TMEM9B: variants seen among roughly 807,000 people sequenced by gnomAD.
The protein encoded by TMEM9B is TMEM9 domain family member B.
In TMEM9B, 8 loss-of-function variants were observed where a neutral mutation model predicts 23.5. That is an observed-to-expected ratio of 0.34 (90% CI 0.20 to 0.61). TMEM9B has a LOEUF of 0.61. Among genes scored for constraint, TMEM9B ranks in the 20% least tolerant of loss-of-function variants. The probability of loss-of-function intolerance (pLI) is 0.78; values close to 1 mark genes in which losing one functional copy is unlikely to be tolerated. For synonymous variants in TMEM9B, 106 were observed against 96.3 expected, an observed-to-expected ratio of 1.10 and a Z score of -0.59; for missense variants, 197 against 252.3, an observed-to-expected ratio of 0.78 and a Z score of 1.49.
At chr11:8,962,306 T>C in intron 1 of TMEM9B, 123 bp from the exon 2 acceptor site, 2 of 616,884 alleles carry the variant, frequency 3.2e-6, no homozygotes, top group Non-Finnish European at 5.5e-6. Flanking sequence ...AAATCATTCA[T>C]TTAAAACTTT....
chr11:8,951,877 G>A (rs978013276), intron 4 of TMEM9B, among the ~76,000 whole-genome samples: 7 of 152,076 alleles, frequency 4.6e-5, no homozygotes, highest in African/African-American at 1.7e-4. Flanking sequence ...AGGCCGAGGC[G>A]AGCTGATCAC....
At chr11:8,960,283 AG>A (rs1328694320) in intron 2 of TMEM9B, among the ~76,000 whole-genome samples, 1 of 151,870 alleles carries the variant, frequency 6.6e-6, no homozygotes, top group African/African-American at 2.4e-5. Flanking sequence ...CTGGAATTAC[AG>A]GCGTGTGCCA....
At chr11:8,960,138 GTTT>G (rs10550659) in intron 2 of TMEM9B, among the ~76,000 whole-genome samples, 225 of 83,706 alleles carry the variant, frequency 2.7e-3, no homozygotes, top group African/African-American at 6.9e-3. Flanking sequence ...CTTTGTTTCT[GTTT>G]TTTTTTTTTT....
intron 1 of TMEM9B, chr11:8,962,555 G>A (rs1854099158): frequency 6.1e-6 from 1 of 162,904 alleles, no homozygotes; most frequent in Non-Finnish European, 1.3e-5. Flanking sequence ...CTAAAGGATG[G>A]GAAAGAAACT....
At position 8,953,349 on chromosome 11, in the gene TMEM9B, T is replaced by G. The variant is rs1345118473; in HGVS notation, c.307-12A>C. The G allele has an allele frequency of 1.2e-6, 2 of 1,611,032 alleles. No individual in the cohort carries two copies. Among genetic ancestry groups the G allele is most frequent in the East Asian group, 4.5e-5 (2 of 44,842 alleles). ...ATTATAATGGTAACCTAAAGGAAAT[T>G]GAAAATTAAGTTACATCTTTGTTCA... On this transcript the variant is annotated splice_polypyrimidine_tract_variant and intron_variant, in intron 3 of 4. Coordinates refer to ENST00000534025, the MANE Select transcript of TMEM9B (RefSeq NM_020644.3).
chr11:8,964,088 C>A, intron 1 of TMEM9B, 121 bp downstream of exon 1: 1 of 980,390 alleles, frequency 1.0e-6, no homozygotes, highest in Non-Finnish European at 1.5e-6. Context: ...TCTGCCGGAG[C>A]TGTGAGGCCA....
intron 1 of TMEM9B, 133 bp from the exon 2 acceptor site, chr11:8,962,316 T>C: frequency 3.4e-6 from 2 of 591,182 alleles, no homozygotes; most frequent in Non-Finnish European, 5.8e-6. Context: ...TTTAAAACTT[T>C]AACAGACACA....
At chr11:8,948,536 C>G in intron 4 of TMEM9B, 61 bp from the exon 5 acceptor site, 1 of 1,554,760 alleles carries the variant, frequency 6.4e-7, no homozygotes, top group Non-Finnish European at 8.7e-7. Context: ...CATAGACACA[C>G]AACAGTGACC....
At chr11:8,963,720 T>C (rs898871029) in intron 1 of TMEM9B, among the ~76,000 whole-genome samples, 1 of 152,096 alleles carries the variant, frequency 6.6e-6, no homozygotes, top group African/African-American at 2.4e-5. Context: ...AAGGGAAGTG[T>C]TCAGGGGTGA....
intron 3 of TMEM9B, among the ~76,000 whole-genome samples, chr11:8,954,436 G>A (rs1021064964): frequency 3.3e-5 from 5 of 151,930 alleles, no homozygotes; most frequent in African/African-American, 7.2e-5. Flanking sequence ...CTACAGGTGC[G>A]TGCCACCACA....
intron 2 of TMEM9B, among the ~76,000 whole-genome samples, chr11:8,956,995 C>T (rs1853987114): frequency 6.6e-6 from 1 of 152,202 alleles, no homozygotes; most frequent in Non-Finnish European, 1.5e-5. Flanking sequence ...GCCGGGATTA[C>T]AGGTGTGAGC....
intron 4 of TMEM9B, among the ~76,000 whole-genome samples, chr11:8,948,791 G>T (rs1271945816): frequency 6.6e-6 from 1 of 152,164 alleles, no homozygotes; most frequent in African/African-American, 2.4e-5. Context: ...TTAAAGAGAA[G>T]CCTTCCTTAA....
upstream of TMEM9B, chr11:8,964,542 G>A (rs958415726): frequency 1.5e-5 from 20 of 1,301,800 alleles, no homozygotes; most frequent in Non-Finnish European, 1.9e-5. Flanking sequence ...GGCAGTCCTG[G>A]TGCCCGCCTT....
chr11:8,953,185 G>A lies in TMEM9B; in HGVS notation c.441+18C>T. ...ACAGGGACTGGCCATGAGCAGCTAGGGCAGGCTGGGAACTTACCCCAATAT... is the reference window on the plus strand; with the variant it reads ...ACAGGGACTGGCCATGAGCAGCTAGAGCAGGCTGGGAACTTACCCCAATAT... On this transcript the variant is annotated intron_variant, in intron 4 of 4. Coordinates refer to ENST00000534025, the MANE Select transcript of TMEM9B (RefSeq NM_020644.3). 6.2e-7 allele frequency: 1 copy of A among 1,614,132 alleles called. No individual in the cohort carries two copies. Among genetic ancestry groups the A allele is most frequent in the Non-Finnish European group, 8.5e-7 (1 of 1,180,018 alleles).
At chr11:8,950,725 G>C (rs1423351591) in intron 4 of TMEM9B, among the ~76,000 whole-genome samples, 4 of 152,144 alleles carry the variant, frequency 2.6e-5, no homozygotes, top group African/African-American at 9.7e-5. Context: ...TGGTAATAAC[G>C]ATGATGTGTC....
rs1853994267 is a variant in TMEM9B at position 8,957,385 on chromosome 11, C to T, written c.198-1087G>A. On this transcript the variant is annotated intron_variant, in intron 2 of 4. Transcript: ENST00000534025. The surrounding 1 kb of genome is among the most constrained non-coding windows in gnomAD (Gnocchi z 4.3). ...GCAATAACTAAATTATTATTCTCCTCAACTATTAAGAGTCTATGACTCTGA... is the reference window on the plus strand; with the variant it reads ...GCAATAACTAAATTATTATTCTCCTTAACTATTAAGAGTCTATGACTCTGA... 6.6e-6 allele frequency among the ~76,000 whole-genome samples: 1 copy of T among 152,204 alleles called. No individual in the cohort carries two copies. The highest frequency in any genetic ancestry group is 1.5e-5 in the Non-Finnish European group (1 of 68,038).
intron 2 of TMEM9B, among the ~76,000 whole-genome samples, chr11:8,959,481 C>T (rs1396078236): frequency 6.6e-6 from 1 of 152,204 alleles, no homozygotes; most frequent in East Asian, 1.9e-4. Flanking sequence ...CTCTGAACCT[C>T]GGGAAAATGA....
chr11:8,958,326 G>A (rs1854010458), intron 2 of TMEM9B, among the ~76,000 whole-genome samples: 1 of 150,770 alleles, frequency 6.6e-6, no homozygotes, highest in Admixed American at 6.6e-5. Context: ...TCTGGGCATG[G>A]TGGCACATGC....
At chr11:8,959,021 T>G (rs555980497) in intron 2 of TMEM9B, among the ~76,000 whole-genome samples, 1 of 152,336 alleles carries the variant, frequency 6.6e-6, no homozygotes, top group East Asian at 1.9e-4. Context: ...AGACCAGGCA[T>G]GTACCCAACT....
Sources: allele counts gnomAD v4.1 joint callset (sites outside exome capture counted in the v4.1 genomes callset), GRCh38; gene constraint gnomAD v4.1.1; non-coding constraint Gnocchi (gnomAD v3.1); transcripts MANE v1.5; gene names NCBI Gene and HGNC (gene_info 2026-07-23, HGNC 2026-07-21).